The following DIP2C variants were observed in gnomAD, a reference collection of about 807,000 sequenced individuals.
The protein encoded by DIP2C is disco-interacting protein 2 homolog C.
DIP2C carries 33 observed loss-of-function variants against 192.4 expected under a neutral mutation model. That is an observed-to-expected ratio of 0.17 (90% CI 0.13 to 0.23). The LOEUF is 0.23. Among genes scored for constraint, DIP2C ranks in the 10% least tolerant of loss-of-function variants. The pLI is 1.00. For missense variants in DIP2C, 1,537 were observed against 2,110.1 expected, an observed-to-expected ratio of 0.73 and a Z score of 5.32; for synonymous variants, 979 against 864.1, an observed-to-expected ratio of 1.13 and a Z score of -2.33.
intron 1 of DIP2C, among the ~76,000 whole-genome samples, chr10:642,131 T>G (rs1855225725): frequency 6.6e-6 from 1 of 152,252 alleles, no homozygotes; most frequent in Non-Finnish European, 1.5e-5. Flanking sequence ...TTTTCCTTCC[T>G]ACACCCCTTC....
intron 24 of DIP2C, among the ~76,000 whole-genome samples, chr10:350,632 A>ATT (rs56171130): frequency 2.4e-5 from 2 of 84,212 alleles, no homozygotes; most frequent in African/African-American, 9.5e-5. Flanking sequence ...GGGCTCAGGA[A>ATT]TTTTTTTTTT....
chr10:372,668 G>A (rs539484954), intron 17 of DIP2C, among the ~76,000 whole-genome samples: 2 of 149,704 alleles, frequency 1.3e-5, no homozygotes, highest in East Asian at 1.9e-4. Flanking sequence ...ATACAGCCAG[G>A]CACAGAAGCG....
At chr10:534,001 T>TAAAA (rs34809873) in intron 1 of DIP2C, among the ~76,000 whole-genome samples, 1 of 148,736 alleles carries the variant, frequency 6.7e-6, no homozygotes, top group African/African-American at 2.5e-5. Context: ...TGACATGCTT[T>TAAAA]AAAAAAAAAA....
chr10:401,138 G>A (rs1964404245), intron 9 of DIP2C, among the ~76,000 whole-genome samples: 2 of 145,968 alleles, frequency 1.4e-5, no homozygotes, highest in African/African-American at 5.1e-5. Flanking sequence ...CTTCCTTATG[G>A]ACAAGTTTGG....
At chr10:400,932 A>G (rs371440023) in intron 9 of DIP2C, among the ~76,000 whole-genome samples, 69 of 123,162 alleles carry the variant, frequency 5.6e-4, no homozygotes, top group Non-Finnish European at 8.2e-4. Flanking sequence ...CATGAATCCT[A>G]TGATTTTACA....
At chr10:399,050 C>T in intron 10 of DIP2C, 59 bp downstream of exon 10, 1 of 1,435,688 alleles carries the variant, frequency 7.0e-7, no homozygotes, top group Non-Finnish European at 9.8e-7. Flanking sequence ...AGCCGGGATA[C>T]AGCCACCGTG....
At chr10:468,901 A>G (rs1245553083) in intron 3 of DIP2C, among the ~76,000 whole-genome samples, 1 of 152,264 alleles carries the variant, frequency 6.6e-6, no homozygotes, top group African/African-American at 2.4e-5. Flanking sequence ...AATCGTTCAT[A>G]GTATCTTCTA....
chr10:464,279 GAACTTA>G (rs1970033167), intron 3 of DIP2C, among the ~76,000 whole-genome samples: 1 of 151,086 alleles, frequency 6.6e-6, no homozygotes, highest in Non-Finnish European at 1.5e-5. Context: ...CATCTACAAA[GAACTTA>G]AACAAATTTA....
intron 1 of DIP2C, among the ~76,000 whole-genome samples, chr10:561,782 C>G (rs560579436): frequency 3.3e-5 from 5 of 152,004 alleles, no homozygotes; most frequent in Admixed American, 2.6e-4. Flanking sequence ...TGCCACAAAA[C>G]TCAGTGTTTT....
At chr10:292,656 GTCTTCAT>G (rs930409078) in intron 32 of DIP2C, among the ~76,000 whole-genome samples, 3 of 152,230 alleles carry the variant, frequency 2.0e-5, no homozygotes, top group Admixed American at 6.5e-5. Context: ...GGTCTGTGAG[GTCTTCAT>G]TCTTCATTCG....
intron 1 of DIP2C, among the ~76,000 whole-genome samples, chr10:559,311 C>T (rs1849068522): frequency 1.4e-5 from 2 of 139,888 alleles, no homozygotes. Context: ...AGCTGGTGTC[C>T]ATGGGGGCGG....
intron 1 of DIP2C, among the ~76,000 whole-genome samples, chr10:581,136 G>C (rs1011408807): frequency 6.6e-5 from 10 of 152,128 alleles, no homozygotes; most frequent in Admixed American, 5.9e-4. Flanking sequence ...ACCAAAGTAG[G>C]ATTCCCCACC....
At chr10:323,825 G>A (rs1957138372) in intron 31 of DIP2C, among the ~76,000 whole-genome samples, 1 of 152,166 alleles carries the variant, frequency 6.6e-6, no homozygotes, top group Non-Finnish European at 1.5e-5. Context: ...TACATTTAAT[G>A]TACCAGGCAT....
At position 288,434 on chromosome 10, in the gene DIP2C, A is replaced by G. The variant is rs768293741; in HGVS notation, c.3987-13T>C. The G allele has an allele frequency of 8.1e-6, 13 of 1,613,742 alleles. No individual in the cohort carries two copies. The Admixed American group carries it at 1.8e-4, about 23-fold the overall frequency. On this transcript the variant is annotated splice_polypyrimidine_tract_variant and intron_variant, in intron 32 of 36. Transcript: ENST00000280886. ...CACTAAGCGGACTCTGCAAACAGAAAGAGAAAATATTCCTAGATGTGTTTG... is the reference window on the plus strand; with the variant it reads ...CACTAAGCGGACTCTGCAAACAGAAGGAGAAAATATTCCTAGATGTGTTTG...
chr10:509,023 A>G (rs536000551), intron 1 of DIP2C, among the ~76,000 whole-genome samples: 1 of 152,234 alleles, frequency 6.6e-6, no homozygotes, highest in African/African-American at 2.4e-5. Flanking sequence ...TCGCTAGAAC[A>G]CTGACTCCCA....
At chr10:374,916 T>G (rs1185340110) in intron 17 of DIP2C, among the ~76,000 whole-genome samples, 1 of 152,188 alleles carries the variant, frequency 6.6e-6, no homozygotes, top group East Asian at 1.9e-4. Flanking sequence ...CAAACTCAGT[T>G]CCCATGTGAA....
Position 384,136 on chromosome 10 carries a change from C to T in DIP2C, c.1767G>A (p.Ala589=), listed in dbSNP as rs572690601. The T allele has an allele frequency of 1.2e-5, 19 of 1,609,610 alleles. No individual in the cohort carries two copies. The highest frequency in any genetic ancestry group is 4.5e-5 in the East Asian group (2 of 44,762). The stretch of plus-strand genomic sequence containing the variant: ...AATGCATATCCCTCGATTTCACACA[C>T]GCCACTTTTGCTAAAAAGAAAAATA... The part of the protein sequence containing the change: ...QKVCQYKAKV[A]CVKSRDMHWA... The change falls in exon 16 of 37, where the codon GCG becomes GCA. Residue 589 remains alanine, a synonymous_variant. Transcript: ENST00000280886.
At chr10:324,728 A>G (rs1380678862) in intron 31 of DIP2C, 1 of 313,594 alleles carries the variant, frequency 3.2e-6, no homozygotes, top group African/African-American at 2.2e-5. Flanking sequence ...AGAATACAGA[A>G]CCGTGCTCAA....
Position 369,630 on chromosome 10 carries a change from G to A in DIP2C, c.1995C>T (p.Pro665=). The A allele has an allele frequency of 6.2e-7, 1 of 1,614,112 alleles. No homozygotes were observed. Among genetic ancestry groups the A allele is most frequent in the Non-Finnish European group, 8.5e-7 (1 of 1,180,006 alleles). The change falls in exon 18 of 37, where the codon CCC becomes CCT. Residue 665 remains proline, a synonymous_variant. Transcript: ENST00000280886. ...CCGGGGGCTGGTTACTGTCATCCGTGGGCCTGTAATGACAGTTTTTAACTT... is the reference window on the plus strand; with the variant it reads ...CCGGGGGCTGGTTACTGTCATCCGTAGGCCTGTAATGACAGTTTTTAACTT... ...PEALTVAIRR[P]TDDSNQPPGR...
Sources: gnomAD v4.1 joint callset for allele counts (sites outside exome capture counted in the v4.1 genomes callset) on GRCh38, gnomAD v4.1.1 for gene constraint, MANE v1.5 for transcripts, NCBI Gene and HGNC (gene_info 2026-07-23, HGNC 2026-07-21) for gene names.